PRKN: variants seen among roughly 807,000 people sequenced by gnomAD.
The protein encoded by PRKN is E3 ubiquitin-protein ligase parkin.
PRKN carries 56 observed loss-of-function variants against 59.5 expected under a neutral mutation model. The ratio of observed to expected loss-of-function variants is 0.94; its 90% CI spans 0.76 to 1.18. The LOEUF is 1.18. PRKN is among the 50% of genes most tolerant of loss of function. The pLI, the probability that PRKN is intolerant of heterozygous loss-of-function variation, is 0.00. For missense variants in PRKN, 657 were observed against 596.4 expected, an observed-to-expected ratio of 1.10 and a Z score of -1.06; for synonymous variants, 250 against 222.1, an observed-to-expected ratio of 1.13 and a Z score of -1.12.
rs575348143 is a variant in PRKN, at chr6:162,092,495, A to G, written c.535-38321T>C. On this transcript the variant is annotated intron_variant, in intron 4 of 11. Transcript: ENST00000366898. ...TCATTCACAATTGAGTTCCCATCCT[A>G]TTGTAAGTCTACTGCTAATCTATTA... 2.0e-3 allele frequency among the ~76,000 whole-genome samples: 301 copies of G among 152,334 alleles called. 1 individual carries two copies. Among genetic ancestry groups the G allele is most frequent in the African/African-American group, 7.0e-3 (293 of 41,588 alleles).
At chr6:161,504,571 T>C (rs1050250016) in intron 9 of PRKN, among the ~76,000 whole-genome samples, 3 of 151,720 alleles carry the variant, frequency 2.0e-5, no homozygotes, top group Non-Finnish European at 2.9e-5. Flanking sequence ...ATGTGCACAA[T>C]GTGCAGGTTA....
At chr6:162,099,204 C>T (rs540381389) in intron 4 of PRKN, among the ~76,000 whole-genome samples, 4 of 152,234 alleles carry the variant, frequency 2.6e-5, no homozygotes, top group South Asian at 4.1e-4. Flanking sequence ...GGCCACGGGC[C>T]GTCAGGTACA....
At chr6:162,612,478 C>A (rs1782233549) in intron 1 of PRKN, among the ~76,000 whole-genome samples, 1 of 151,140 alleles carries the variant, frequency 6.6e-6, no homozygotes, top group Admixed American at 6.6e-5. Flanking sequence ...AACCAGATTT[C>A]TCTCGACAAG....
intron 3 of PRKN, among the ~76,000 whole-genome samples, chr6:162,251,252 T>G (rs1243982880): frequency 6.6e-6 from 1 of 152,112 alleles, no homozygotes; most frequent in Non-Finnish European, 1.5e-5. Context: ...ACACTCTACC[T>G]GAAAAGAGGG....
Position 161,444,711 on chromosome 6 carries a change from G to A in PRKN, c.1084-57834C>T, listed in dbSNP as rs1392982361. On this transcript the variant is annotated intron_variant, in intron 9 of 11. Transcript: ENST00000366898. This position sits in a 1 kb window ranked among gnomAD's most constrained non-coding sequence, Gnocchi z 5.6. The stretch of plus-strand genomic sequence containing the variant: ...AGCTTTGCACGAGCGCTACCGCGTG[G>A]CGGTGGAAACATTTGTTCCCCTTGA... 2.0e-5 allele frequency among the ~76,000 whole-genome samples: 3 copies of A among 152,338 alleles called. No individual in the cohort carries two copies. Among genetic ancestry groups the A allele is most frequent in the Middle Eastern group, 3.4e-3 (1 of 294 alleles).
intron 5 of PRKN, among the ~76,000 whole-genome samples, chr6:162,011,390 T>C (rs1463749445): frequency 3.3e-5 from 1 of 30,404 alleles, no homozygotes; most frequent in African/African-American, 2.4e-4. Context: ...ATATTTATAA[T>C]ATATATTATA....
intron 4 of PRKN, among the ~76,000 whole-genome samples, chr6:162,166,022 TGGGCAACAGAGCGA>T (rs1200733577): frequency 7.5e-4 from 92 of 122,208 alleles, no homozygotes; most frequent in African/African-American, 3.1e-3. Flanking sequence ...CACTCCAGCC[TGGGCAACAGAGCGA>T]GACTCTATCT....
At chr6:162,352,083 C>A (rs930855646) in intron 2 of PRKN, among the ~76,000 whole-genome samples, 1 of 152,084 alleles carries the variant, frequency 6.6e-6, no homozygotes, top group African/African-American at 2.4e-5. Context: ...GCAGGGGACA[C>A]AGAGCTCAGT....
intron 6 of PRKN, among the ~76,000 whole-genome samples, chr6:161,876,948 G>T (rs1386552973): frequency 6.6e-6 from 1 of 151,966 alleles, no homozygotes; most frequent in Admixed American, 6.6e-5. Flanking sequence ...TATTTGATTT[G>T]CCATTTTTCA....
At chr6:162,065,587 A>G (rs923438196) in intron 4 of PRKN, among the ~76,000 whole-genome samples, 1 of 150,962 alleles carries the variant, frequency 6.6e-6, no homozygotes, top group Non-Finnish European at 1.5e-5. Context: ...TAAAAAAATT[A>G]TATGTTAAGT....
At chr6:161,647,952 G>C (rs1784016395) in intron 7 of PRKN, among the ~76,000 whole-genome samples, 1 of 152,150 alleles carries the variant, frequency 6.6e-6, no homozygotes, top group Non-Finnish European at 1.5e-5. Flanking sequence ...AGATTTGCTG[G>C]AATAAAATCA....
At chr6:161,477,454 TGTG>T (rs1264725538) in intron 9 of PRKN, among the ~76,000 whole-genome samples, 2 of 141,624 alleles carry the variant, frequency 1.4e-5, no homozygotes, top group African/African-American at 5.2e-5. Flanking sequence ...AGGCAGAGGT[TGTG>T]GTGAGCCGAG....
chr6:161,919,937 A>T (rs1318233941), intron 6 of PRKN, among the ~76,000 whole-genome samples: 1 of 152,246 alleles, frequency 6.6e-6, no homozygotes, highest in Non-Finnish European at 1.5e-5. Flanking sequence ...ACATGGATAC[A>T]TTCTGAGAAA....
rs1217980463 is a variant in PRKN at position 161,497,105 on chromosome 6, C to T, written c.1083+51749G>A. Among the ~76,000 whole-genome samples the T allele has an allele frequency of 2.0e-5, 3 of 152,256 alleles. No homozygotes were observed. The highest frequency in any genetic ancestry group is 7.2e-5 in the African/African-American group (3 of 41,480). Reference sequence around the variant, plus strand: ...CCCGTTCCTCCTGGCTACGACTCCACAGCCTGTTCCCAGGGGTCAGCCCAC... The same window carrying T: ...CCCGTTCCTCCTGGCTACGACTCCATAGCCTGTTCCCAGGGGTCAGCCCAC... On this transcript the variant is annotated intron_variant, in intron 9 of 11. Transcript: ENST00000366898. This position sits in a 1 kb window ranked among gnomAD's most constrained non-coding sequence, Gnocchi z 4.6.
At chr6:161,486,617 C>T (rs1472528983) in intron 9 of PRKN, among the ~76,000 whole-genome samples, 2 of 152,086 alleles carry the variant, frequency 1.3e-5, no homozygotes, top group Non-Finnish European at 2.9e-5. Flanking sequence ...TTCACACTGC[C>T]TCTATTATTA....
rs145943461 is a variant in PRKN, at chr6:162,591,381, G to C, written c.7+136281C>G. On this transcript the variant is annotated intron_variant, in intron 1 of 11. Transcript: ENST00000366898. ...AATTAAATTTAAAAAATTTTTCACG[G>C]ATACATAATAGTTGTACATATTTAT... Among the ~76,000 whole-genome samples, 51 of 152,050 alleles carry C rather than the reference G, an allele frequency of 3.4e-4. No homozygotes were observed. In the East Asian group the frequency reaches 9.7e-3, roughly 29 times the overall value.
chr6:161,761,805 G>A (rs1789213948), intron 7 of PRKN, among the ~76,000 whole-genome samples: 1 of 152,146 alleles, frequency 6.6e-6, no homozygotes, highest in Admixed American at 6.5e-5. Context: ...TGGGAAAAAC[G>A]GAATCCCAAG....
intron 1 of PRKN, among the ~76,000 whole-genome samples, chr6:162,485,340 CAT>C (rs1031229139): frequency 1.4e-4 from 21 of 152,266 alleles, no homozygotes; most frequent in African/African-American, 4.3e-4. Flanking sequence ...ATTTTTAAAA[CAT>C]GTGGGCACAG....
intron 5 of PRKN, among the ~76,000 whole-genome samples, chr6:162,047,364 T>C (rs1247371695): frequency 6.6e-6 from 1 of 152,228 alleles, no homozygotes; most frequent in East Asian, 1.9e-4. Context: ...TTGGAGATGC[T>C]TGTGCTGATA....
Sources: gnomAD v4.1 joint callset for allele counts (sites outside exome capture counted in the v4.1 genomes callset) on GRCh38, gnomAD v4.1.1 for gene constraint, Gnocchi (gnomAD v3.1) non-coding constraint, MANE v1.5 for transcripts, NCBI Gene and HGNC (gene_info 2026-07-23, HGNC 2026-07-21) for gene names.